Variants in KDM2A observed in about 807,000 individuals in gnomAD.
The protein encoded by KDM2A is lysine-specific demethylase 2A.
In KDM2A, 3 loss-of-function variants were observed where a neutral mutation model predicts 137.3. The ratio of observed to expected loss-of-function variants is 0.02; its 90% CI spans 0.01 to 0.06. KDM2A has a LOEUF of 0.06. Ranked by LOEUF, KDM2A falls within the 10% of genes least tolerant of loss-of-function variation. The pLI is 1.00. For missense variants in KDM2A, 738 were observed against 1,510.6 expected (o/e 0.49, Z 8.48); for synonymous variants, 512 against 541.5 (o/e 0.95, Z 0.76).
intron 1 of KDM2A, among the ~76,000 whole-genome samples, chr11:67,120,274 G>A (rs1855569570): frequency 6.6e-6 from 1 of 152,210 alleles, no homozygotes; most frequent in South Asian, 2.1e-4. Flanking sequence ...CCGACTTCGG[G>A]CCAGGGCTTC....
Position 67,245,975 on chromosome 11 carries a change from C to A in KDM2A, c.1834-10C>A. 1.2e-6 allele frequency: 2 copies of A among 1,613,624 alleles called. No homozygotes were observed. Among genetic ancestry groups the A allele is most frequent in the South Asian group, 2.2e-5 (2 of 91,024 alleles). ...CAGTTCTCTTGGATTCTATCTTTGTCCTCTTGTAGCCCAGACTGCCTCACT... is the reference window on the plus strand; with the variant it reads ...CAGTTCTCTTGGATTCTATCTTTGTACTCTTGTAGCCCAGACTGCCTCACT... On this transcript the variant is annotated splice_polypyrimidine_tract_variant and intron_variant, in intron 14 of 20. Coordinates refer to ENST00000529006, the MANE Select transcript of KDM2A (RefSeq NM_012308.3). The surrounding 1 kb of genome is among the most constrained non-coding windows in gnomAD (Gnocchi z 4.1).
chr11:67,203,550 A>G (rs1857712216), intron 5 of KDM2A, among the ~76,000 whole-genome samples: 1 of 148,834 alleles, frequency 6.7e-6, no homozygotes, highest in Admixed American at 6.7e-5. Context: ...TAGTAATAAA[A>G]GAATACCAGC....
chr11:67,236,131 G>T (rs1352264282), intron 12 of KDM2A, among the ~76,000 whole-genome samples: 1 of 151,824 alleles, frequency 6.6e-6, no homozygotes, highest in African/African-American at 2.4e-5. Flanking sequence ...GGAAGAATTT[G>T]TGGTTTTTTT....
Position 67,250,344 on chromosome 11 carries a change from A to T in KDM2A, c.2314A>T (p.Met772Leu). ...GCGGCTGCAGGCCACAGAGCGCACC[A>T]TGGTACGGGAAAAGGAGAACAATCC... ...LLRLQATERT[M>L]VREKENNPSG... is the part of the protein sequence containing the mutation. The change falls in exon 17 of 21, where the codon ATG becomes TTG. Residue 772 changes from methionine to leucine, a missense_variant. Transcript: ENST00000529006. The surrounding 1 kb of genome is among the most constrained non-coding windows in gnomAD (Gnocchi z 7.1). 1 of 1,613,974 alleles carries T rather than the reference A, an allele frequency of 6.2e-7. No homozygotes were observed.
chr11:67,228,668 A>G (rs928959325), intron 11 of KDM2A, among the ~76,000 whole-genome samples: 6 of 148,650 alleles, frequency 4.0e-5, no homozygotes, highest in Admixed American at 2.7e-4. Flanking sequence ...CCTGGGCGAC[A>G]GAGTGAAACC....
At chr11:67,253,428 AC>A in intron 18 of KDM2A, 24 bp from the exon 19 acceptor site, 1 of 1,605,806 alleles carries the variant, frequency 6.2e-7, no homozygotes, top group South Asian at 1.1e-5. Flanking sequence ...GTGTATTATT[AC>A]ATGTCTCATT....
At chr11:67,140,482 T>C (rs1290638569) in intron 2 of KDM2A, among the ~76,000 whole-genome samples, 1 of 152,148 alleles carries the variant, frequency 6.6e-6, no homozygotes, top group Non-Finnish European at 1.5e-5. Flanking sequence ...CCTGGTGCGA[T>C]GGTTCACTCC....
At chr11:67,253,752 G>A (rs1859513340) in intron 19 of KDM2A, 141 bp downstream of exon 19, 2 of 851,258 alleles carry the variant, frequency 2.3e-6, no homozygotes, top group African/African-American at 1.7e-5. Flanking sequence ...CAGAATGATG[G>A]ACTGTGTACA....
chr11:67,140,889 G>A (rs748736194), intron 2 of KDM2A, among the ~76,000 whole-genome samples: 7 of 152,158 alleles, frequency 4.6e-5, no homozygotes, highest in Non-Finnish European at 8.8e-5. Context: ...TTAACGTCAT[G>A]AGGTATCACC....
intron 8 of KDM2A, among the ~76,000 whole-genome samples, chr11:67,216,797 A>G (rs537397060): frequency 2.0e-5 from 3 of 152,056 alleles, no homozygotes; most frequent in African/African-American, 7.2e-5. Context: ...GTACATGCCT[A>G]TAATCCCAGC....
intron 2 of KDM2A, among the ~76,000 whole-genome samples, chr11:67,122,708 C>T (rs1855626594): frequency 1.3e-5 from 2 of 150,108 alleles, no homozygotes; most frequent in South Asian, 4.2e-4. Context: ...CAGAGTCTGG[C>T]TCTGTTGCCC....
intron 5 of KDM2A, among the ~76,000 whole-genome samples, chr11:67,205,961 TATG>T (rs768531245): frequency 6.6e-6 from 1 of 152,320 alleles, no homozygotes; most frequent in South Asian, 2.1e-4. Context: ...CTAATAAAAA[TATG>T]ATACTTCCCT....
At chr11:67,214,837 G>A (rs764058096) in intron 6 of KDM2A, among the ~76,000 whole-genome samples, 6 of 152,152 alleles carry the variant, frequency 3.9e-5, no homozygotes, top group Non-Finnish European at 8.8e-5. Context: ...TAGACCTGGA[G>A]CTTCTTATTC....
intron 5 of KDM2A, among the ~76,000 whole-genome samples, chr11:67,206,941 TTCTTCATGAACTAGGATAATTA>T (rs1224660434): frequency 6.6e-6 from 1 of 152,254 alleles, no homozygotes; most frequent in African/African-American, 2.4e-5. Context: ...GGGGACTTTG[TTCTTCATGAACTAGGATAATTA>T]TCTTCATGGG....
intron 13 of KDM2A, among the ~76,000 whole-genome samples, chr11:67,244,220 A>C (rs1383328974): frequency 1.3e-5 from 2 of 152,204 alleles, no homozygotes; most frequent in African/African-American, 4.8e-5. Flanking sequence ...AAAAGTGTTT[A>C]AGATATGGTA....
At chr11:67,154,577 C>T (rs184291375) in intron 2 of KDM2A, among the ~76,000 whole-genome samples, 242 of 151,934 alleles carry the variant, frequency 1.6e-3, no homozygotes, top group African/African-American at 5.6e-3. Flanking sequence ...GGATTATAGG[C>T]ACCTGTCACA....
At chr11:67,247,037 T>TTTTATATATATA (rs1160586326) in intron 15 of KDM2A, among the ~76,000 whole-genome samples, 2 of 33,078 alleles carry the variant, frequency 6.0e-5, no homozygotes, top group African/African-American at 2.1e-4. Flanking sequence ...ATAAATTATT[T>TTTTATATATATA]TATATATATA....
chr11:67,227,592 C>T (rs530827939), intron 10 of KDM2A, among the ~76,000 whole-genome samples: 3 of 152,092 alleles, frequency 2.0e-5, no homozygotes, highest in East Asian at 1.9e-4. Context: ...GTTGTTCAGA[C>T]GGAGTCTCAC....
intron 5 of KDM2A, among the ~76,000 whole-genome samples, chr11:67,188,278 C>T (rs1479460815): frequency 2.0e-5 from 3 of 151,786 alleles, no homozygotes; most frequent in Non-Finnish European, 4.4e-5. Flanking sequence ...GTCAGGAGAT[C>T]GAGACCATCC....
Sources: allele counts gnomAD v4.1 joint callset (sites outside exome capture counted in the v4.1 genomes callset), GRCh38; gene constraint gnomAD v4.1.1; non-coding constraint Gnocchi (gnomAD v3.1); transcripts MANE v1.5; gene names NCBI Gene and HGNC (gene_info 2026-07-23, HGNC 2026-07-21).